The following SULT2A1 variants were observed in gnomAD, a reference collection of about 807,000 sequenced individuals.
SULT2A1 encodes sulfotransferase family 2A member 1.
A neutral mutation model predicts 33.9 loss-of-function variants in SULT2A1; 43 were observed. The observed-to-expected ratio is 1.27, with a 90% CI of 1.00 to 1.64. The LOEUF is 1.64. Among genes scored for constraint, SULT2A1 ranks in the 40% most tolerant of loss-of-function variants. The pLI, the probability that SULT2A1 is intolerant of heterozygous loss-of-function variation, is 0.00. For synonymous variants in SULT2A1, 125 were observed against 113.6 expected, an observed-to-expected ratio of 1.10 and a Z score of -0.64; for missense variants, 300 against 335.1, an observed-to-expected ratio of 0.90 and a Z score of 0.82.
chr19:47,877,238 A>G (rs1419563978), intron 4 of SULT2A1, among the ~76,000 whole-genome samples: 6 of 150,038 alleles, frequency 4.0e-5, no homozygotes, highest in Non-Finnish European at 5.9e-5. Context: ...TAATAGGTCA[A>G]GTTCTTTTTT....
Position 47,879,082 on chromosome 19 carries a change from C to G in SULT2A1, c.521G>C (p.Arg174Thr). The G allele has an allele frequency of 6.2e-7, 1 of 1,614,016 alleles. No homozygotes were observed. Among genetic ancestry groups the G allele is most frequent in the East Asian group, 2.2e-5 (1 of 44,872 alleles). Residue 174 changes from arginine to threonine, a missense_variant, in exon 4 of 6, where the codon AGA (arginine) becomes ACA (threonine). Coordinates refer to ENST00000222002, the MANE Select transcript of SULT2A1 (RefSeq NM_003167.4). The stretch of plus-strand genomic sequence containing the variant: ...CAGTAACAGGAAGTTTTTCTCCTCT[C>G]TCATGGGCATCCAGCCATGAATGTG... ...FDHIHGWMPM[R>T]EEKNFLLLSY...
At chr19:47,879,908 C>T (rs1448373147) in intron 3 of SULT2A1, among the ~76,000 whole-genome samples, 1 of 147,346 alleles carries the variant, frequency 6.8e-6, no homozygotes, top group Non-Finnish European at 1.5e-5. Context: ...GCACATGTAC[C>T]CTAGAACTTA....
At chr19:47,872,973 G>T (rs920323074) in intron 5 of SULT2A1, among the ~76,000 whole-genome samples, 4 of 151,974 alleles carry the variant, frequency 2.6e-5, no homozygotes, top group Non-Finnish European at 5.9e-5. Flanking sequence ...TGTTGCCCAG[G>T]CTGGTCTCGA....
chr19:47,879,135 A>T lies in SULT2A1; in HGVS notation c.473-5T>A. On this transcript the variant is annotated splice_polypyrimidine_tract_variant and splice_region_variant and intron_variant, in intron 3 of 5. Transcript: ENST00000222002. ...CAAACCATGACCCATATAGCACTGC[A>T]TGGGGTGGCAGAAAAAGTGATAGGT... 6.3e-7 allele frequency: 1 copy of T among 1,593,900 alleles called. No homozygotes were observed. The highest frequency in any genetic ancestry group is 8.6e-7 in the Non-Finnish European group (1 of 1,161,790).
intron 3 of SULT2A1, among the ~76,000 whole-genome samples, chr19:47,880,236 C>CAAAAAA (rs1302864795): frequency 2.1e-5 from 1 of 48,334 alleles, no homozygotes. Flanking sequence ...GACTCTGTCT[C>CAAAAAA]AAAAAAAAAA....
chr19:47,882,044 A>G (rs1469401196), intron 3 of SULT2A1, 40 bp downstream of exon 3: 2 of 1,608,536 alleles, frequency 1.2e-6, no homozygotes, highest in Non-Finnish European at 1.7e-6. Context: ...GAGGTCGGCT[A>G]GAAGACTCCA....
chr19:47,878,742 C>T (rs1968572790), intron 4 of SULT2A1, among the ~76,000 whole-genome samples: 1 of 151,932 alleles, frequency 6.6e-6, no homozygotes, highest in Admixed American at 6.6e-5. Context: ...GCCTTGAACT[C>T]CTGACCTTGT....
At chr19:47,874,498 C>T (rs1486491399) in intron 5 of SULT2A1, among the ~76,000 whole-genome samples, 159 bp downstream of exon 5, 1 of 148,912 alleles carries the variant, frequency 6.7e-6, no homozygotes, top group Non-Finnish European at 1.5e-5. Context: ...TGAGATCGCA[C>T]CACTGCACTC....
chr19:47,876,426 A>T lies in SULT2A1; in HGVS notation c.568-1592T>A, dbSNP rs996632067. On this transcript the variant is annotated intron_variant, in intron 4 of 5. Coordinates refer to ENST00000222002, the MANE Select transcript of SULT2A1 (RefSeq NM_003167.4). ...CTATTTCATAAACCTTGGTTATCTA[A>T]TAAGAAGATGTACAACTATGGAAAT... Among the ~76,000 whole-genome samples the T allele has an allele frequency of 5.3e-5, 8 of 152,290 alleles. No individual in the cohort carries two copies. In the South Asian group the frequency reaches 1.7e-3, roughly 32 times the overall value.
intron 5 of SULT2A1, among the ~76,000 whole-genome samples, chr19:47,873,371 G>A (rs948664340): frequency 6.0e-5 from 9 of 150,678 alleles, no homozygotes; most frequent in Non-Finnish European, 1.0e-4. Context: ...GGCTTTCTCC[G>A]TGTTAGCCAG....
intron 4 of SULT2A1, among the ~76,000 whole-genome samples, chr19:47,876,667 G>A (rs1460181861): frequency 1.3e-5 from 2 of 151,144 alleles, no homozygotes; most frequent in Non-Finnish European, 2.9e-5. Context: ...CTACTTGGGA[G>A]GCTGAGGCAC....
rs556252229 is a variant in SULT2A1 at position 47,885,179 on chromosome 19, C to G, written c.136+943G>C. On this transcript the variant is annotated intron_variant, in intron 1 of 5. Coordinates refer to ENST00000222002, the MANE Select transcript of SULT2A1 (RefSeq NM_003167.4). ...AAGTATATTCCCAGTGCTGCTCAAC[C>G]AATCTCCAGAGGATTTTTGTGTTGC... Among the ~76,000 whole-genome samples, 4 of 152,262 alleles carry G rather than the reference C, an allele frequency of 2.6e-5. No individual in the cohort carries two copies. The South Asian group carries it at 8.3e-4, about 32-fold the overall frequency.
chr19:47,871,139 G>C lies in SULT2A1; in HGVS notation c.*316C>G. On this transcript the variant is annotated 3_prime_UTR_variant, in exon 6 of 6. Transcript: ENST00000222002. ...TGGGATTACAGACATGAGCCAATGC[G>C]CCTGGCTAATTTTTTTTGGTTTTTG... 5.3e-6 allele frequency: 1 copy of C among 187,904 alleles called. No homozygotes were observed. Among genetic ancestry groups the C allele is most frequent in the South Asian group, 1.2e-4 (1 of 8,434 alleles). 11.6% of individuals were successfully genotyped at this position (187,904 alleles called of 1,614,324 possible).
In SULT2A1 at chr19:47,873,052, G is replaced by A. The variant is rs567126809; in HGVS notation, c.746-1485C>T. On this transcript the variant is annotated intron_variant, in intron 5 of 5. Transcript: ENST00000222002. ...GCTGGGATTACAGGCGTGAGCCACC[G>A]TACCCGGCCAACGTTTACTTTTACG... Among the ~76,000 whole-genome samples the A allele has an allele frequency of 3.0e-4, 45 of 150,538 alleles. 1 individual carries two copies. Among genetic ancestry groups the A allele is most frequent in the Admixed American group, 1.1e-3 (16 of 15,120 alleles).
chr19:47,884,405 C>T (rs1968634409), intron 1 of SULT2A1, among the ~76,000 whole-genome samples: 1 of 150,588 alleles, frequency 6.6e-6, no homozygotes, highest in South Asian at 2.1e-4. Context: ...GTCTCGATCT[C>T]CTGACCTCAT....
chr19:47,873,343 G>A (rs1264826039), intron 5 of SULT2A1, among the ~76,000 whole-genome samples: 1 of 151,606 alleles, frequency 6.6e-6, no homozygotes, highest in Non-Finnish European at 1.5e-5. Context: ...CTAATTTTTT[G>A]TATTTTTAGT....
In SULT2A1 at chr19:47,886,105, C is replaced by A; in HGVS notation, c.136+17G>T. 1 of 1,611,610 alleles carries A rather than the reference C, an allele frequency of 6.2e-7. No individual in the cohort carries two copies. The highest frequency in any genetic ancestry group is 8.5e-7 in the Non-Finnish European group (1 of 1,178,738). Reference sequence around the variant, plus strand: ...CACAACCACAGCCTTTCTCAGTTCACGATTCTGCCTCCTTACCTGATTTGG... The same window carrying A: ...CACAACCACAGCCTTTCTCAGTTCAAGATTCTGCCTCCTTACCTGATTTGG... On this transcript the variant is annotated intron_variant, in intron 1 of 5. Coordinates refer to ENST00000222002, the MANE Select transcript of SULT2A1 (RefSeq NM_003167.4).
intron 4 of SULT2A1, among the ~76,000 whole-genome samples, chr19:47,878,108 A>G (rs2547241): frequency 0.5 from 75,836 of 152,022 alleles, 19,321 homozygotes; most frequent in East Asian, 0.66. Flanking sequence ...GGTCTCACCC[A>G]GAGAAATGTT....
chr19:47,879,302 A>C (rs1035525541), intron 3 of SULT2A1, among the ~76,000 whole-genome samples, 172 bp from the exon 4 acceptor site: 2 of 152,218 alleles, frequency 1.3e-5, no homozygotes, highest in African/African-American at 2.4e-5. Flanking sequence ...TATATAACAG[A>C]TGTTTTGATG....
Sources: allele counts gnomAD v4.1 joint callset (sites outside exome capture counted in the v4.1 genomes callset), GRCh38; gene constraint gnomAD v4.1.1; transcripts MANE v1.5; gene names NCBI Gene and HGNC (gene_info 2026-07-23, HGNC 2026-07-21).